Variants in SPSB1 observed in about 807,000 individuals in gnomAD.
SPSB1 encodes splA/ryanodine receptor domain and SOCS box containing 1, also known as SPRY domain-containing SOCS box protein 1.
In SPSB1, 8 loss-of-function variants were observed where a neutral mutation model predicts 21.2. That is an observed-to-expected ratio of 0.38 (90% CI 0.22 to 0.68). The LOEUF (loss-of-function observed/expected upper bound fraction) is 0.68, where lower values mean the gene tolerates loss of function less well. SPSB1 is among the 30% of genes least tolerant of loss of function. SPSB1 has a pLI of 0.53. For missense variants in SPSB1, 242 were observed against 377.8 expected (o/e 0.64, Z 2.98); for synonymous variants, 169 against 161.7 (o/e 1.05, Z -0.34).
chr1:9,345,118 A>C lies in SPSB1; in HGVS notation c.-149-10625A>C, dbSNP rs1414447580. On this transcript the variant is annotated intron_variant, in intron 1 of 2. Coordinates refer to ENST00000328089, the MANE Select transcript of SPSB1 (RefSeq NM_025106.4). The surrounding 1 kb of genome is among the most constrained non-coding windows in gnomAD (Gnocchi z 4.8). ...GGAGTCCCACAGGAGGCTAGGCTGG[A>C]GCGAGGCCCTTCCAGAGAACCAGCT... is the stretch of plus-strand genomic sequence containing the variant. Among the ~76,000 whole-genome samples, 2 of 152,142 alleles carry C rather than the reference A, an allele frequency of 1.3e-5. No individual in the cohort carries two copies. The highest frequency in any genetic ancestry group is 4.8e-5 in the African/African-American group (2 of 41,396).
At chr1:9,343,350 C>T (rs145435274) in intron 1 of SPSB1, among the ~76,000 whole-genome samples, 6 of 143,354 alleles carry the variant, frequency 4.2e-5, no homozygotes, top group African/African-American at 7.5e-5. Flanking sequence ...GAAAGGGAAT[C>T]GTACAATGTG....
chr1:9,340,877 T>G (rs1329246058), intron 1 of SPSB1, among the ~76,000 whole-genome samples: 5 of 152,186 alleles, frequency 3.3e-5, no homozygotes, highest in African/African-American at 9.7e-5. Flanking sequence ...ACATTTGTAG[T>G]CCTCCTGTGT....
intron 1 of SPSB1, among the ~76,000 whole-genome samples, chr1:9,295,017 C>A (rs531150501): frequency 2.0e-5 from 3 of 152,338 alleles, no homozygotes; most frequent in East Asian, 1.9e-4. Flanking sequence ...TGGACCAAGA[C>A]TCCCCAGTCC....
Position 9,317,837 on chromosome 1 carries a change from A to ATTTTT in SPSB1, c.-150+24781_-150+24785dup, listed in dbSNP as rs34392416. On this transcript the variant is annotated intron_variant, in intron 1 of 2. Coordinates refer to ENST00000328089, the MANE Select transcript of SPSB1 (RefSeq NM_025106.4). This position sits in a 1 kb window ranked among gnomAD's most constrained non-coding sequence, Gnocchi z 4.3. The stretch of plus-strand genomic sequence containing the variant: ...GTGATTTCCGGTGGCGAGGGAACCA[A>ATTTTT]TTTTTTTTTTTTTTTTTTTGAGACC... Among the ~76,000 whole-genome samples, 3 of 134,728 alleles carry ATTTTT rather than the reference A, an allele frequency of 2.2e-5. No homozygotes were observed. Among genetic ancestry groups the ATTTTT allele is most frequent in the African/African-American group, 5.7e-5 (2 of 35,000 alleles). 88.4% of individuals were successfully genotyped at this position (134,728 alleles called of 152,430 possible). A position where few individuals can be genotyped will look rare whatever the true frequency, so the allele number is the denominator to read the frequency against.
At chr1:9,316,719 C>T (rs1297592137) in intron 1 of SPSB1, among the ~76,000 whole-genome samples, 1 of 152,236 alleles carries the variant, frequency 6.6e-6, no homozygotes, top group Non-Finnish European at 1.5e-5. Context: ...TTCGTCAGGA[C>T]CACGGCTGCT....
Position 9,305,304 on chromosome 1 carries a change from C to A in SPSB1, c.-150+12233C>A, listed in dbSNP as rs1355250615. ...TCCTCCCCTCTTCCCAGGGATGTCCCCTTCAGCAGGTAGCCCTGCCATCCA... is the reference window on the plus strand; with the variant it reads ...TCCTCCCCTCTTCCCAGGGATGTCCACTTCAGCAGGTAGCCCTGCCATCCA... On this transcript the variant is annotated intron_variant, in intron 1 of 2. Coordinates refer to ENST00000328089, the MANE Select transcript of SPSB1 (RefSeq NM_025106.4). The surrounding 1 kb of genome is among the most constrained non-coding windows in gnomAD (Gnocchi z 4.8). Among the ~76,000 whole-genome samples, 2 of 152,212 alleles carry A rather than the reference C, an allele frequency of 1.3e-5. No homozygotes were observed. The highest frequency in any genetic ancestry group is 4.8e-5 in the African/African-American group (2 of 41,452).
intron 2 of SPSB1, among the ~76,000 whole-genome samples, chr1:9,362,836 A>T (rs1640502780): frequency 6.6e-6 from 1 of 152,148 alleles, no homozygotes; most frequent in African/African-American, 2.4e-5. Context: ...CGCCTGATTG[A>T]CTTCCTGATT....
chr1:9,358,829 A>G (rs114988625), intron 2 of SPSB1, among the ~76,000 whole-genome samples: 2,077 of 152,290 alleles, frequency 0.014, 14 homozygotes, highest in Non-Finnish European at 0.021. Flanking sequence ...GCTCCAGTAC[A>G]GTACACAGAC....
chr1:9,299,771 G>A (rs1347924422), intron 1 of SPSB1, among the ~76,000 whole-genome samples: 6 of 151,810 alleles, frequency 4.0e-5, no homozygotes, highest in Non-Finnish European at 5.9e-5. Context: ...GAGCCACTGC[G>A]CCCGGGCCGA....
At chr1:9,336,775 T>C (rs931552841) in intron 1 of SPSB1, among the ~76,000 whole-genome samples, 1 of 152,210 alleles carries the variant, frequency 6.6e-6, no homozygotes, top group African/African-American at 2.4e-5. Context: ...TGCTGCCTTT[T>C]CATTCGGTGA....
In SPSB1 at chr1:9,348,518, G is replaced by C. The variant is rs923936216; in HGVS notation, c.-149-7225G>C. Reference sequence around the variant, plus strand: ...GGACTCCCAAACAGTGCACTTTGGGGATGCTTTTGACTCCTCCCCATCCCC... The same window carrying C: ...GGACTCCCAAACAGTGCACTTTGGGCATGCTTTTGACTCCTCCCCATCCCC... On this transcript the variant is annotated intron_variant, in intron 1 of 2. Coordinates refer to ENST00000328089, the MANE Select transcript of SPSB1 (RefSeq NM_025106.4). This position sits in a 1 kb window ranked among gnomAD's most constrained non-coding sequence, Gnocchi z 4.8. 6.6e-6 allele frequency among the ~76,000 whole-genome samples: 1 copy of C among 151,980 alleles called. No homozygotes were observed. The highest frequency in any genetic ancestry group is 2.4e-5 in the African/African-American group (1 of 41,354).
chr1:9,335,944 T>C (rs1031872184), intron 1 of SPSB1, among the ~76,000 whole-genome samples: 1 of 152,220 alleles, frequency 6.6e-6, no homozygotes, highest in Admixed American at 6.5e-5. Context: ...CATTCATACA[T>C]ATCAAGTACA....
chr1:9,333,688 A>G (rs932297663), intron 1 of SPSB1, among the ~76,000 whole-genome samples: 1 of 152,164 alleles, frequency 6.6e-6, no homozygotes, highest in African/African-American at 2.4e-5. Context: ...AGCCTCATCC[A>G]GTGTAGGCTG....
At chr1:9,340,562 G>C (rs1640074294) in intron 1 of SPSB1, among the ~76,000 whole-genome samples, 1 of 152,232 alleles carries the variant, frequency 6.6e-6, no homozygotes, top group Non-Finnish European at 1.5e-5. Flanking sequence ...AGAGGACCTT[G>C]GTCCTCCTCC....
At chr1:9,350,409 G>T (rs962340843) in intron 1 of SPSB1, among the ~76,000 whole-genome samples, 1 of 152,242 alleles carries the variant, frequency 6.6e-6, no homozygotes. Context: ...TCCTGGGGAC[G>T]TGGTGACTAA....
In SPSB1 at chr1:9,320,857, G is replaced by A. The variant is rs140523406; in HGVS notation, c.-150+27786G>A. On this transcript the variant is annotated intron_variant, in intron 1 of 2. Coordinates refer to ENST00000328089, the MANE Select transcript of SPSB1 (RefSeq NM_025106.4). ...GCTACAACGTCCTGCGCCGGGTTTA[G>A]CAGGATGGAGTTAGAGTGAGCTCTG... 1.8e-4 allele frequency among the ~76,000 whole-genome samples: 27 copies of A among 151,018 alleles called. No individual in the cohort carries two copies. The East Asian group carries it at 3.7e-3, about 21-fold the overall frequency.
chr1:9,338,268 G>T (rs1376105822), intron 1 of SPSB1, among the ~76,000 whole-genome samples: 1 of 152,178 alleles, frequency 6.6e-6, no homozygotes, highest in Non-Finnish European at 1.5e-5. Context: ...CTGGCCGTGG[G>T]CTCCCCAGGA....
At chr1:9,340,717 G>A (rs1374905479) in intron 1 of SPSB1, among the ~76,000 whole-genome samples, 4 of 152,366 alleles carry the variant, frequency 2.6e-5, no homozygotes, top group Admixed American at 6.5e-5. Flanking sequence ...GGATGCACCC[G>A]TCCCCTGCTC....
intron 1 of SPSB1, among the ~76,000 whole-genome samples, chr1:9,307,059 C>G (rs992844619): frequency 6.6e-6 from 1 of 151,900 alleles, no homozygotes; most frequent in East Asian, 1.9e-4. Flanking sequence ...TCCTGGGTAG[C>G]TGGGATTACA....
Sources: gnomAD v4.1 joint callset for allele counts (sites outside exome capture counted in the v4.1 genomes callset) on GRCh38, gnomAD v4.1.1 for gene constraint, Gnocchi (gnomAD v3.1) non-coding constraint, MANE v1.5 for transcripts, NCBI Gene and HGNC (gene_info 2026-07-23, HGNC 2026-07-21) for gene names.